CDC23: variants seen among roughly 807,000 people sequenced by gnomAD.
The protein encoded by CDC23 is cell division cycle protein 23 homolog.
CDC23 carries 26 observed loss-of-function variants against 81.7 expected under a neutral mutation model. The observed-to-expected ratio is 0.32, with a 90% CI of 0.23 to 0.44. CDC23 has a LOEUF of 0.44. Ranked by LOEUF, CDC23 falls within the 20% of genes least tolerant of loss-of-function variation. The pLI, the probability that CDC23 is intolerant of heterozygous loss-of-function variation, is 1.00. For synonymous variants in CDC23, 267 were observed against 270.8 expected, an observed-to-expected ratio of 0.99 and a Z score of 0.14; for missense variants, 519 against 728.0, an observed-to-expected ratio of 0.71 and a Z score of 3.30.
intron 6 of CDC23, chr5:138,200,783 GC>G (rs749865041): frequency 4.6e-6 from 1 of 219,522 alleles, no homozygotes; most frequent in Non-Finnish European, 9.0e-6. Flanking sequence ...TCGCACCACT[GC>G]ACTCCAGCCT....
In CDC23 at chr5:138,192,521, A is replaced by G. The variant is rs1458735310; in HGVS notation, c.1149T>C (p.Ala383=). Residue 383 remains alanine (A), a synonymous_variant, in exon 10 of 16, where the codon GCT becomes GCC. Coordinates refer to ENST00000394886, the MANE Select transcript of CDC23 (RefSeq NM_004661.4). The part of the protein sequence containing the change: ...HEYMEMKNTS[A]AIQAYRHAIE... ...ATAATCACCTATAAGCCTGGATAGCAGCAGACGTGTTCTTCATCTCCATGT... is the reference window on the plus strand; with the variant it reads ...ATAATCACCTATAAGCCTGGATAGCGGCAGACGTGTTCTTCATCTCCATGT... The G allele has an allele frequency of 1.2e-5, 19 of 1,614,020 alleles. No individual in the cohort carries two copies. Among genetic ancestry groups the G allele is most frequent in the Middle Eastern group, 3.3e-4 (2 of 6,084 alleles).
At chr5:138,191,988 TTC>T in intron 11 of CDC23, 51 bp from the exon 12 acceptor site, 1 of 1,519,692 alleles carries the variant, frequency 6.6e-7, no homozygotes, top group South Asian at 1.1e-5. Context: ...GAAACTGAAG[TTC>T]TCTTTTGAGG....
At chr5:138,206,140 T>C (rs1455998117) in intron 3 of CDC23, 1 of 235,614 alleles carries the variant, frequency 4.2e-6, no homozygotes, top group African/African-American at 2.2e-5. Flanking sequence ...ATTAAGTTGG[T>C]TTACTTGCAT....
intron 9 of CDC23, among the ~76,000 whole-genome samples, chr5:138,194,252 C>T (rs897453999): frequency 6.6e-6 from 1 of 152,048 alleles, no homozygotes; most frequent in Non-Finnish European, 1.5e-5. Flanking sequence ...GAGTTCGAGA[C>T]CAGCATGGGC....
intron 15 of CDC23, among the ~76,000 whole-genome samples, 176 bp downstream of exon 15, chr5:138,189,457 C>CT (rs1250067133): frequency 6.6e-6 from 1 of 152,006 alleles, no homozygotes; most frequent in Non-Finnish European, 1.5e-5. Context: ...CAAGCTCTCC[C>CT]TTTTTTGTCC....
intron 11 of CDC23, 85 bp downstream of exon 11, chr5:138,192,184 G>A: frequency 6.5e-7 from 1 of 1,537,178 alleles, no homozygotes; most frequent in South Asian, 1.2e-5. Flanking sequence ...ACCATCCACT[G>A]TGATTTGTCA....
chr5:138,202,441 G>A (rs760059839), intron 3 of CDC23, among the ~76,000 whole-genome samples: 12 of 152,210 alleles, frequency 7.9e-5, no homozygotes, highest in Non-Finnish European at 1.5e-4. Flanking sequence ...CCGCCACCAC[G>A]CCTGGCTAAT....
At chr5:138,189,980 T>A in intron 13 of CDC23, 74 bp from the exon 14 acceptor site, 7 of 1,298,710 alleles carry the variant, frequency 5.4e-6, no homozygotes, top group African/African-American at 2.9e-5. Flanking sequence ...TAAAAGTACA[T>A]AAGACCAAAA....
intron 9 of CDC23, among the ~76,000 whole-genome samples, chr5:138,196,993 C>T (rs1438983410): frequency 6.7e-6 from 1 of 148,928 alleles, no homozygotes. Context: ...AGGCCATCTC[C>T]TGCCTCAACC....
At chr5:138,194,471 A>T (rs1754861317) in intron 9 of CDC23, among the ~76,000 whole-genome samples, 1 of 152,138 alleles carries the variant, frequency 6.6e-6, no homozygotes, top group Non-Finnish European at 1.5e-5. Context: ...ATATTGCAAG[A>T]ATCTATTTAT....
intron 2 of CDC23, 25 bp downstream of exon 2, chr5:138,212,966 G>T (rs1755131151): frequency 6.2e-7 from 1 of 1,601,414 alleles, no homozygotes; most frequent in Non-Finnish European, 8.6e-7. Context: ...TTGATGGGGA[G>T]CGCTCACTGT....
chr5:138,188,952 CAA>C lies in CDC23; in HGVS notation c.*24_*25del. ...TAAGGCTTAATTAAGATGGGTCTAA[CAA>C]TGTGCTGGCTTGAGAGTAGCCAACT... On this transcript the variant is annotated 3_prime_UTR_variant, in exon 16 of 16. Coordinates refer to ENST00000394886, the MANE Select transcript of CDC23 (RefSeq NM_004661.4). The C allele has an allele frequency of 6.2e-7, 1 of 1,609,402 alleles. No individual in the cohort carries two copies. Among genetic ancestry groups the C allele is most frequent in the Non-Finnish European group, 8.5e-7 (1 of 1,177,164 alleles).
chr5:138,199,011 T>C (rs1448300189), intron 6 of CDC23, among the ~76,000 whole-genome samples: 3 of 151,788 alleles, frequency 2.0e-5, no homozygotes, highest in Non-Finnish European at 2.9e-5. Context: ...TTGAGGTGAG[T>C]CTTAGAGAAT....
At chr5:138,209,756 A>G (rs1013787053) in intron 2 of CDC23, among the ~76,000 whole-genome samples, 3 of 151,796 alleles carry the variant, frequency 2.0e-5, no homozygotes, top group African/African-American at 7.3e-5. Flanking sequence ...CCCAGGAGCC[A>G]GAGGTTGCAG....
intron 15 of CDC23, 89 bp downstream of exon 15, chr5:138,189,544 C>G (rs1754802319): frequency 2.4e-5 from 32 of 1,329,578 alleles, no homozygotes; most frequent in Non-Finnish European, 3.2e-5. Context: ...TAGGTGTGAG[C>G]CGCTTGCCTG....
At chr5:138,203,517 A>G (rs183604672) in intron 3 of CDC23, among the ~76,000 whole-genome samples, 91 of 152,344 alleles carry the variant, frequency 6.0e-4, no homozygotes, top group African/African-American at 2.0e-3. Context: ...AAAGACAAAT[A>G]AGGCTGTTTC....
At chr5:138,212,150 C>A (rs1755120246) in intron 2 of CDC23, among the ~76,000 whole-genome samples, 1 of 152,070 alleles carries the variant, frequency 6.6e-6, no homozygotes, top group Admixed American at 6.6e-5. Flanking sequence ...CTCAATATCC[C>A]CATTGAGTAG....
chr5:138,212,329 A>G (rs1172608043), intron 2 of CDC23, among the ~76,000 whole-genome samples: 1 of 152,062 alleles, frequency 6.6e-6, no homozygotes, highest in Admixed American at 6.6e-5. Flanking sequence ...TTTATTTATT[A>G]TTTATTTTGA....
At position 138,189,041 on chromosome 5, in the gene CDC23, G is replaced by C. The variant is rs763348823; in HGVS notation, c.1731C>G (p.Leu577=). The stretch of plus-strand genomic sequence containing the variant: ...TGCGTGTGGGGGTATTGTTAGCAGA[G>C]AGTGAAGCAGGTAGGAAAAAGGGAG... The part of the protein sequence containing the change: ...VPAPFFLPAS[L]SANNTPTRRV... Residue 577 remains leucine (L), a synonymous_variant, in exon 16 of 16, where the codon CTC becomes CTG. Coordinates refer to ENST00000394886, the MANE Select transcript of CDC23 (RefSeq NM_004661.4). The C allele has an allele frequency of 6.2e-7, 1 of 1,614,148 alleles. No homozygotes were observed. The highest frequency in any genetic ancestry group is 1.1e-5 in the South Asian group (1 of 91,076).
Sources: allele counts gnomAD v4.1 joint callset (sites outside exome capture counted in the v4.1 genomes callset), GRCh38; gene constraint gnomAD v4.1.1; transcripts MANE v1.5; gene names NCBI Gene and HGNC (gene_info 2026-07-23, HGNC 2026-07-21).